The following TCF7L1 variants were observed in gnomAD, a reference collection of about 807,000 sequenced individuals.
TCF7L1 encodes transcription factor 7 like 1.
TCF7L1 carries 18 observed loss-of-function variants against 63.7 expected under a neutral mutation model. The observed-to-expected ratio is 0.28, with a 90% CI of 0.20 to 0.42. TCF7L1 has a LOEUF of 0.42. TCF7L1 is among the 10% of genes least tolerant of loss of function. The probability of loss-of-function intolerance (pLI) is 1.00; values close to 1 mark genes in which losing one functional copy is unlikely to be tolerated. For synonymous variants in TCF7L1, 355 were observed against 340.9 expected (o/e 1.04, Z -0.46); for missense variants, 654 against 779.3 (o/e 0.84, Z 1.91).
intron 3 of TCF7L1, among the ~76,000 whole-genome samples, chr2:85,233,377 G>A (rs1021061654): frequency 4.0e-5 from 6 of 148,632 alleles, no homozygotes; most frequent in Non-Finnish European, 7.4e-5. Flanking sequence ...ATGCAATGGC[G>A]TGATTTCGGT....
At chr2:85,208,052 G>A (rs759906130) in intron 3 of TCF7L1, among the ~76,000 whole-genome samples, 2 of 151,912 alleles carry the variant, frequency 1.3e-5, no homozygotes, top group Non-Finnish European at 1.5e-5. Context: ...GACTACAGGC[G>A]CCCGCCACCA....
chr2:85,295,178 C>T (rs1445979299), intron 4 of TCF7L1, among the ~76,000 whole-genome samples: 1 of 152,122 alleles, frequency 6.6e-6, no homozygotes, highest in African/African-American at 2.4e-5. Context: ...TCTTAATACA[C>T]AGTAATAACT....
intron 3 of TCF7L1, among the ~76,000 whole-genome samples, chr2:85,163,338 G>A (rs1042650702): frequency 2.0e-5 from 3 of 152,050 alleles, no homozygotes; most frequent in African/African-American, 7.2e-5. Flanking sequence ...TGAGGTATTG[G>A]CCCCCCTCCC....
At chr2:85,304,111 C>A in intron 6 of TCF7L1, 114 bp downstream of exon 6, 1 of 1,162,556 alleles carries the variant, frequency 8.6e-7, no homozygotes, top group Non-Finnish European at 1.3e-6. Context: ...CAGGACTAGG[C>A]CTCCCTGCCC....
chr2:85,164,528 C>T (rs973123679), intron 3 of TCF7L1, among the ~76,000 whole-genome samples: 4 of 152,104 alleles, frequency 2.6e-5, no homozygotes, highest in African/African-American at 7.2e-5. Context: ...GAGGAGGAGG[C>T]GTTCCATTCC....
At chr2:85,145,860 T>C (rs1175166777) in intron 3 of TCF7L1, among the ~76,000 whole-genome samples, 1 of 152,144 alleles carries the variant, frequency 6.6e-6, no homozygotes, top group Non-Finnish European at 1.5e-5. Context: ...TTTTATTTTA[T>C]TTTATTTTAT....
intron 3 of TCF7L1, among the ~76,000 whole-genome samples, chr2:85,283,042 T>G (rs956032452): frequency 2.6e-5 from 4 of 152,076 alleles, no homozygotes; most frequent in African/African-American, 9.7e-5. Context: ...GATGGCTGTT[T>G]CGTAGGGAGC....
intron 3 of TCF7L1, among the ~76,000 whole-genome samples, chr2:85,256,303 G>A (rs752887003): frequency 6.6e-5 from 10 of 151,938 alleles, no homozygotes; most frequent in Non-Finnish European, 1.5e-4. Flanking sequence ...GTCCGAGTCA[G>A]ACCGCTTTCA....
chr2:85,215,436 C>A (rs1238094015), intron 3 of TCF7L1, among the ~76,000 whole-genome samples: 2 of 152,224 alleles, frequency 1.3e-5, no homozygotes, highest in Admixed American at 6.5e-5. Context: ...CACAACGCAA[C>A]TTTTCCTACA....
At position 85,309,182 on chromosome 2, in the gene TCF7L1, A is replaced by T; in HGVS notation, c.1487A>T (p.His496Leu). 1 of 1,613,240 alleles carries T rather than the reference A, an allele frequency of 6.2e-7. No individual in the cohort carries two copies. The highest frequency in any genetic ancestry group is 1.3e-5 in the African/African-American group (1 of 74,656). ...TCACCAGCTGCCCCTGCTGCCACCC[A>T]TTCGGAGCAAGCCCAGCCCCTCTCC... is the stretch of plus-strand genomic sequence containing the variant. ...LASPAAPAAT[H>L]SEQAQPLSLT... The change falls in exon 12 of 12, where the codon CAT (histidine) becomes CTT (leucine). Residue 496 changes from histidine (H) to leucine (L), a missense_variant. Around this residue, in one of 3 missense-constraint regions of TCF7L1, gnomAD observed 184 missense variants for 204.0 expected, o/e 0.90. Transcript: ENST00000282111.
At position 85,304,348 on chromosome 2, in the gene TCF7L1, G is replaced by C. The variant is rs367970396; in HGVS notation, c.845+10G>C. 1.2e-6 allele frequency: 2 copies of C among 1,612,326 alleles called. No individual in the cohort carries two copies. The highest frequency in any genetic ancestry group is 1.7e-5 in the Admixed American group (1 of 59,714). On this transcript the variant is annotated intron_variant, in intron 7 of 11. Transcript: ENST00000282111. ...ACGCCTCGATGTCCAGGTGAGTCCCGGGGCTGGGGCTGTCCGCATGTTTGT... is the reference window on the plus strand; with the variant it reads ...ACGCCTCGATGTCCAGGTGAGTCCCCGGGCTGGGGCTGTCCGCATGTTTGT...
intron 3 of TCF7L1, among the ~76,000 whole-genome samples, chr2:85,268,009 C>T (rs1466565832): frequency 6.6e-6 from 1 of 152,048 alleles, no homozygotes; most frequent in Non-Finnish European, 1.5e-5. Context: ...GCATCAAGGC[C>T]CCCAGCTACA....
chr2:85,144,902 G>T (rs1242031774), intron 3 of TCF7L1, among the ~76,000 whole-genome samples: 1 of 151,794 alleles, frequency 6.6e-6, no homozygotes. Context: ...TGGCCACCAT[G>T]GTGAAACCCC....
chr2:85,189,563 G>A (rs909939052), intron 3 of TCF7L1, among the ~76,000 whole-genome samples: 1 of 152,246 alleles, frequency 6.6e-6, no homozygotes, highest in South Asian at 2.1e-4. Context: ...TCAGGGGTGG[G>A]GGTAGGGGTG....
chr2:85,169,141 C>A (rs1678489647), intron 3 of TCF7L1, among the ~76,000 whole-genome samples: 1 of 152,112 alleles, frequency 6.6e-6, no homozygotes, highest in Non-Finnish European at 1.5e-5. Context: ...TCTAAACTTC[C>A]CTGTGTAACT....
intron 3 of TCF7L1, chr2:85,262,406 C>T (rs1268106264): frequency 2.6e-6 from 1 of 380,904 alleles, no homozygotes; most frequent in Non-Finnish European, 5.2e-6. Context: ...AAAAAAAAAA[C>T]TAAAAAGAAT....
intron 3 of TCF7L1, among the ~76,000 whole-genome samples, chr2:85,157,144 A>T (rs1338372819): frequency 1.3e-5 from 2 of 152,214 alleles, no homozygotes; most frequent in African/African-American, 4.8e-5. Context: ...TTAGAGACCC[A>T]TTTGAATTTT....
At position 85,306,009 on chromosome 2, in the gene TCF7L1, C is replaced by G. The variant is rs191992423; in HGVS notation, c.990-197C>G. On this transcript the variant is annotated intron_variant, in intron 8 of 11. Transcript: ENST00000282111. The surrounding 1 kb of genome is among the most constrained non-coding windows in gnomAD (Gnocchi z 4.3). ...GAGAGTAGATTTTCAAAGAATCTGG[C>G]GTGGAGATCGTTCAAAGGTGGGAAA... Among the ~76,000 whole-genome samples, 21 of 152,186 alleles carry G rather than the reference C, an allele frequency of 1.4e-4. 1 individual carries two copies. The highest frequency in any genetic ancestry group is 3.1e-4 in the Non-Finnish European group (21 of 68,014).
At chr2:85,176,213 G>T (rs1310215656) in intron 3 of TCF7L1, among the ~76,000 whole-genome samples, 1 of 149,680 alleles carries the variant, frequency 6.7e-6, no homozygotes, top group African/African-American at 2.5e-5. Flanking sequence ...TAGCTCTCGT[G>T]CAGCAGCAGT....
Sources: gnomAD v4.1 joint callset for allele counts (sites outside exome capture counted in the v4.1 genomes callset) on GRCh38, gnomAD v4.1.1 for gene constraint, gnomAD v4.1.1 regional missense constraint, Gnocchi (gnomAD v3.1) non-coding constraint, MANE v1.5 for transcripts, NCBI Gene and HGNC (gene_info 2026-07-23, HGNC 2026-07-21) for gene names.